RAD51B: variants seen among roughly 807,000 people sequenced by gnomAD.
The protein encoded by RAD51B is DNA repair protein RAD51 homolog 2.
In RAD51B, 38 loss-of-function variants were observed where a neutral mutation model predicts 42.2. The observed-to-expected ratio is 0.90, with a 90% CI of 0.70 to 1.18. The LOEUF is 1.18. Among genes scored for constraint, RAD51B ranks in the 50% most tolerant of loss-of-function variants. The pLI, the probability that RAD51B is intolerant of heterozygous loss-of-function variation, is 0.00. For synonymous variants in RAD51B, 154 were observed against 145.2 expected (o/e 1.06, Z -0.43); for missense variants, 373 against 400.7 (o/e 0.93, Z 0.59).
Position 68,459,915 on chromosome 14 carries a change from G to A in RAD51B, c.958-8257G>A, listed in dbSNP as rs183962948. Among the ~76,000 whole-genome samples, 219 of 152,274 alleles carry A rather than the reference G, an allele frequency of 1.4e-3. 1 individual carries two copies. The highest frequency in any genetic ancestry group is 2.1e-3 in the Non-Finnish European group (145 of 68,030). ...ACCTCCCAACCAATGTGAGATTTGGGGTTGGGGTGGGAAGGGGAAGGAAAT... is the reference window on the plus strand; with the variant it reads ...ACCTCCCAACCAATGTGAGATTTGGAGTTGGGGTGGGAAGGGGAAGGAAAT... On this transcript the variant is annotated intron_variant, in intron 9 of 10. Transcript: ENST00000471583.
At chr14:68,160,854 C>T (rs1410848828) in intron 7 of RAD51B, among the ~76,000 whole-genome samples, 4 of 152,198 alleles carry the variant, frequency 2.6e-5, no homozygotes, top group Admixed American at 2.6e-4. Context: ...CCAGAATCTG[C>T]AAGTGCTTTT....
chr14:68,020,336 C>G (rs911807577), intron 7 of RAD51B, among the ~76,000 whole-genome samples: 2 of 152,106 alleles, frequency 1.3e-5, no homozygotes, highest in African/African-American at 4.8e-5. Flanking sequence ...GTCTTGAACT[C>G]CTGAGCTCAA....
intron 7 of RAD51B, among the ~76,000 whole-genome samples, chr14:68,136,178 A>G (rs2078005172): frequency 6.6e-6 from 1 of 152,190 alleles, no homozygotes; most frequent in African/African-American, 2.4e-5. Context: ...ATTAGTTAAG[A>G]ATCAAACGTC....
intron 4 of RAD51B, chr14:67,857,782 G>C (rs977505012): frequency 6.5e-6 from 1 of 153,228 alleles, no homozygotes; most frequent in South Asian, 2.1e-4. Flanking sequence ...CCATTTACTC[G>C]GCCCACCATG....
chr14:68,093,161 C>T (rs2077132242), intron 7 of RAD51B, among the ~76,000 whole-genome samples: 1 of 150,962 alleles, frequency 6.6e-6, no homozygotes, highest in Non-Finnish European at 1.5e-5. Context: ...CTAAAATTCT[C>T]TTTTTTTGTT....
chr14:68,178,686 G>A (rs1375508676), intron 7 of RAD51B, among the ~76,000 whole-genome samples: 4 of 152,120 alleles, frequency 2.6e-5, no homozygotes, highest in Non-Finnish European at 5.9e-5. Context: ...TCCAATAGCT[G>A]GCATATTGGA....
intron 10 of RAD51B, among the ~76,000 whole-genome samples, chr14:68,647,402 A>G (rs2140135001): frequency 6.6e-6 from 1 of 152,336 alleles, no homozygotes; most frequent in East Asian, 1.9e-4. Flanking sequence ...CTTTTGGTTT[A>G]AGATAGAGGT....
chr14:67,969,482 A>G (rs1169199133), intron 7 of RAD51B, among the ~76,000 whole-genome samples: 2 of 152,138 alleles, frequency 1.3e-5, no homozygotes, highest in Non-Finnish European at 2.9e-5. Flanking sequence ...CCGTATGCCT[A>G]AATCCTCCCT....
intron 4 of RAD51B, among the ~76,000 whole-genome samples, chr14:67,849,830 T>G (rs2041745221): frequency 6.6e-6 from 1 of 152,226 alleles, no homozygotes; most frequent in South Asian, 2.1e-4. Context: ...ATCTTTGAGT[T>G]TCTTCCAATC....
chr14:68,383,082 A>G (rs1313067518), intron 8 of RAD51B, among the ~76,000 whole-genome samples: 1 of 152,262 alleles, frequency 6.6e-6, no homozygotes, highest in Non-Finnish European at 1.5e-5. Context: ...ACCCATTAGA[A>G]GGAACCAAGG....
chr14:68,528,409 A>C (rs1373290015), intron 10 of RAD51B, among the ~76,000 whole-genome samples: 1 of 152,204 alleles, frequency 6.6e-6, no homozygotes, highest in Non-Finnish European at 1.5e-5. Flanking sequence ...AACTTATTGC[A>C]TATGTGACTT....
At chr14:68,000,024 C>CA (rs2075452189) in intron 7 of RAD51B, among the ~76,000 whole-genome samples, 1 of 151,744 alleles carries the variant, frequency 6.6e-6, no homozygotes, top group South Asian at 2.1e-4. Flanking sequence ...AAAAAGACAA[C>CA]AAAAAACTAG....
rs1380868228 is a variant in RAD51B, at chr14:68,192,455, A to G, written c.757-99429A>G. Among the ~76,000 whole-genome samples, 4 of 152,348 alleles carry G rather than the reference A, an allele frequency of 2.6e-5. No homozygotes were observed. In the East Asian group the frequency reaches 5.8e-4, roughly 22 times the overall value. On this transcript the variant is annotated intron_variant, in intron 7 of 10. Coordinates refer to ENST00000471583, the MANE Select transcript of RAD51B (RefSeq NM_133510.4). ...TATTCCAAATTTGAAAGATCAAATT[A>G]TAATCTTTATATTTCAGCTGATGAT...
At chr14:68,557,819 T>C (rs371743197) in intron 10 of RAD51B, among the ~76,000 whole-genome samples, 1 of 152,230 alleles carries the variant, frequency 6.6e-6, no homozygotes, top group African/African-American at 2.4e-5. Context: ...GACTGTTCTC[T>C]GCATTTCCTG....
At chr14:68,586,658 C>T (rs1871896533) in intron 10 of RAD51B, among the ~76,000 whole-genome samples, 1 of 152,200 alleles carries the variant, frequency 6.6e-6, no homozygotes, top group African/African-American at 2.4e-5. Flanking sequence ...TTCACAGACA[C>T]TCCCATTCTC....
intron 7 of RAD51B, among the ~76,000 whole-genome samples, chr14:68,060,596 A>C (rs558036615): frequency 6.6e-6 from 1 of 152,340 alleles, no homozygotes; most frequent in East Asian, 1.9e-4. Context: ...GCTGCTGAAC[A>C]AGAAGATCTT....
intron 7 of RAD51B, among the ~76,000 whole-genome samples, chr14:68,262,662 C>T (rs2080912963): frequency 6.6e-6 from 1 of 152,030 alleles, no homozygotes; most frequent in Non-Finnish European, 1.5e-5. Flanking sequence ...GACACACTAC[C>T]CCACAATATG....
intron 7 of RAD51B, among the ~76,000 whole-genome samples, chr14:67,961,187 A>G (rs1303679404): frequency 6.7e-6 from 1 of 149,950 alleles, no homozygotes; most frequent in Admixed American, 6.6e-5. Context: ...TTTTATTTTT[A>G]TAGAGGCAGA....
At chr14:68,414,006 T>G (rs1044079154) in intron 9 of RAD51B, among the ~76,000 whole-genome samples, 1 of 151,964 alleles carries the variant, frequency 6.6e-6, no homozygotes, top group African/African-American at 2.4e-5. Context: ...GGATTATATT[T>G]TATCCCGTTT....
Sources: allele counts gnomAD v4.1 joint callset (sites outside exome capture counted in the v4.1 genomes callset), GRCh38; gene constraint gnomAD v4.1.1; transcripts MANE v1.5; gene names NCBI Gene and HGNC (gene_info 2026-07-23, HGNC 2026-07-21).